DCAF8: variants seen among roughly 807,000 people sequenced by gnomAD.
DCAF8 encodes DDB1- and CUL4-associated factor 8.
In DCAF8, 20 loss-of-function variants were observed where a neutral mutation model predicts 68.0. That is an observed-to-expected ratio of 0.29 (90% CI 0.21 to 0.43). The LOEUF (loss-of-function observed/expected upper bound fraction) is 0.43, where lower values mean the gene tolerates loss of function less well. Among genes scored for constraint, DCAF8 ranks in the 20% least tolerant of loss-of-function variants. The probability of loss-of-function intolerance (pLI) is 1.00; values close to 1 mark genes in which losing one functional copy is unlikely to be tolerated. For missense variants in DCAF8, 460 were observed against 771.0 expected (o/e 0.60, Z 4.78); for synonymous variants, 230 against 276.9 (o/e 0.83, Z 1.68).
At chr1:160,223,877 C>T (rs896354455) in intron 10 of DCAF8, among the ~76,000 whole-genome samples, 19 of 152,280 alleles carry the variant, frequency 1.2e-4, no homozygotes, top group South Asian at 4.1e-4. Context: ...GCCATAATTG[C>T]ACCATTGCAC....
intron 2 of DCAF8, among the ~76,000 whole-genome samples, chr1:160,252,763 T>G (rs1656649703): frequency 6.6e-6 from 1 of 152,120 alleles, no homozygotes; most frequent in Non-Finnish European, 1.5e-5. Context: ...GTTGTAAAGG[T>G]AGATAATGTT....
At chr1:160,256,868 C>T (rs191253478) in intron 2 of DCAF8, among the ~76,000 whole-genome samples, 6 of 152,272 alleles carry the variant, frequency 3.9e-5, no homozygotes, top group African/African-American at 1.2e-4. Flanking sequence ...AATCTGGCTT[C>T]TGGCCCAGGA....
intron 7 of DCAF8, among the ~76,000 whole-genome samples, chr1:160,227,367 C>T (rs1164960342): frequency 3.3e-5 from 5 of 152,170 alleles, no homozygotes; most frequent in East Asian, 3.8e-4. Flanking sequence ...CCAGCTCACA[C>T]GATCCTCCCG....
At chr1:160,235,093 C>A (rs1187258938) in intron 6 of DCAF8, among the ~76,000 whole-genome samples, 3 of 152,004 alleles carry the variant, frequency 2.0e-5, no homozygotes, top group Non-Finnish European at 1.5e-5. Context: ...CATTGCCATC[C>A]CTTACTCAAT....
chr1:160,224,393 T>C, intron 10 of DCAF8, 49 bp downstream of exon 10: 1 of 1,433,472 alleles, frequency 7.0e-7, no homozygotes, highest in South Asian at 1.1e-5. Context: ...ACTGTGGTTC[T>C]CCAAAGCCAA....
chr1:160,223,008 C>G (rs1655347378), intron 10 of DCAF8, among the ~76,000 whole-genome samples: 1 of 152,234 alleles, frequency 6.6e-6, no homozygotes, highest in Non-Finnish European at 1.5e-5. Context: ...CAGCCTTAGT[C>G]TCTCAAGTTT....
intron 2 of DCAF8, among the ~76,000 whole-genome samples, chr1:160,260,695 C>G (rs1031296844): frequency 6.6e-6 from 1 of 151,522 alleles, no homozygotes; most frequent in African/African-American, 2.4e-5. Context: ...AGACCAGCTA[C>G]AAAAGAAAGA....
At chr1:160,221,895 G>A (rs562395510) in intron 11 of DCAF8, among the ~76,000 whole-genome samples, 2 of 149,848 alleles carry the variant, frequency 1.3e-5, no homozygotes, top group Non-Finnish European at 3.0e-5. Flanking sequence ...TCCCTAACTC[G>A]ATTCTCACTC....
intron 7 of DCAF8, among the ~76,000 whole-genome samples, chr1:160,229,727 A>G (rs1271123936): frequency 6.6e-6 from 1 of 152,152 alleles, no homozygotes; most frequent in Non-Finnish European, 1.5e-5. Context: ...CTTATTTAAA[A>G]ATAAAAAAAA....
chr1:160,222,027 C>T (rs574199933), intron 11 of DCAF8, among the ~76,000 whole-genome samples: 28 of 152,188 alleles, frequency 1.8e-4, no homozygotes, highest in African/African-American at 3.4e-4. Flanking sequence ...GCCACATTTG[C>T]GTTCTCCTTA....
intron 4 of DCAF8, chr1:160,239,464 A>G (rs1321062689): frequency 1.4e-6 from 2 of 1,444,226 alleles, no homozygotes; most frequent in African/African-American, 1.4e-5. Context: ...CACACATTTA[A>G]TAAGCTGCAT....
chr1:160,225,005 G>C (rs1365299694), intron 9 of DCAF8, 57 bp downstream of exon 9: 1 of 1,556,066 alleles, frequency 6.4e-7, no homozygotes, highest in African/African-American at 1.4e-5. Flanking sequence ...CACTGGCTCA[G>C]CAGCTCCCTA....
rs146913893 is a variant in DCAF8, at chr1:160,259,774, C to T, written c.-27+1511G>A. Among the ~76,000 whole-genome samples, 127 of 152,276 alleles carry T rather than the reference C, an allele frequency of 8.3e-4. 1 individual carries two copies. The highest frequency in any genetic ancestry group is 2.9e-3 in the African/African-American group (122 of 41,556). On this transcript the variant is annotated intron_variant, in intron 2 of 13. Coordinates refer to ENST00000368074, the MANE Select transcript of DCAF8 (RefSeq NM_015726.4). Reference sequence around the variant, plus strand: ...AGGGAAAGAATTACAACACGGCCAACTCTGATCAGGTGTGCTAACAGAGAG... The same window carrying T: ...AGGGAAAGAATTACAACACGGCCAATTCTGATCAGGTGTGCTAACAGAGAG...
chr1:160,253,316 C>T (rs1656676846), intron 2 of DCAF8, among the ~76,000 whole-genome samples: 1 of 151,944 alleles, frequency 6.6e-6, no homozygotes, highest in Non-Finnish European at 1.5e-5. Flanking sequence ...ACCTGGGCAA[C>T]ATCAGGAGAC....
At chr1:160,256,802 C>T (rs1656853408) in intron 2 of DCAF8, among the ~76,000 whole-genome samples, 2 of 152,256 alleles carry the variant, frequency 1.3e-5, no homozygotes, top group Non-Finnish European at 2.9e-5. Flanking sequence ...AGGCAGCCTC[C>T]GTTCATTAAT....
chr1:160,257,296 C>T (rs545328284), intron 2 of DCAF8, among the ~76,000 whole-genome samples: 1 of 151,912 alleles, frequency 6.6e-6, no homozygotes, highest in East Asian at 1.9e-4. Flanking sequence ...AATTCAATCT[C>T]AGAGACTTAA....
intron 2 of DCAF8, among the ~76,000 whole-genome samples, chr1:160,259,306 G>A (rs897145101): frequency 6.6e-6 from 1 of 152,084 alleles, no homozygotes; most frequent in Non-Finnish European, 1.5e-5. Context: ...AGGCTGAGGC[G>A]GGCAGATCAC....
At chr1:160,237,339 G>A (rs1655932103) in intron 5 of DCAF8, 110 bp from the exon 6 acceptor site, 1 of 718,464 alleles carries the variant, frequency 1.4e-6, no homozygotes, top group Non-Finnish European at 2.3e-6. Flanking sequence ...TCCAAAAAGA[G>A]AAATGTCTAC....
chr1:160,253,853 G>T (rs1300185103), intron 2 of DCAF8, among the ~76,000 whole-genome samples: 1 of 151,484 alleles, frequency 6.6e-6, no homozygotes, highest in Non-Finnish European at 1.5e-5. Flanking sequence ...AACCAAGAAG[G>T]TAAGGAGGAT....
Sources: allele counts gnomAD v4.1 joint callset (sites outside exome capture counted in the v4.1 genomes callset), GRCh38; gene constraint gnomAD v4.1.1; transcripts MANE v1.5; gene names NCBI Gene and HGNC (gene_info 2026-07-23, HGNC 2026-07-21).